SNX29: variants seen among roughly 807,000 people sequenced by gnomAD.
The protein encoded by SNX29 is sorting nexin-29.
Under a neutral mutation model 102.1 loss-of-function variants are expected in SNX29, and 78 were observed. The observed-to-expected ratio is 0.76, with a 90% CI of 0.64 to 0.92. The LOEUF (loss-of-function observed/expected upper bound fraction) is 0.92. SNX29 is among the 40% of genes least tolerant of loss of function. The probability of loss-of-function intolerance (pLI) is 0.00; values close to 1 mark genes in which losing one functional copy is unlikely to be tolerated. For synonymous variants in SNX29, 580 were observed against 414.5 expected (o/e 1.40, Z -4.85); for missense variants, 1,280 against 1,061.7 (o/e 1.21, Z -2.86).
chr16:12,240,190 C>A (rs2078059561), intron 14 of SNX29, among the ~76,000 whole-genome samples: 1 of 152,182 alleles, frequency 6.6e-6, no homozygotes, highest in African/African-American at 2.4e-5. Flanking sequence ...TTTATATCCA[C>A]ATTTTAGTGT....
At chr16:12,524,912 C>G in intron 20 of SNX29, 71 bp downstream of exon 20, 1 of 1,580,084 alleles carries the variant, frequency 6.3e-7, no homozygotes, top group Non-Finnish European at 8.6e-7. Context: ...TTTGGAAGGT[C>G]AGGGAGCACA....
chr16:12,485,747 C>G (rs180861315), intron 19 of SNX29, among the ~76,000 whole-genome samples: 1 of 152,248 alleles, frequency 6.6e-6, no homozygotes, highest in Non-Finnish European at 1.5e-5. Flanking sequence ...AGCTGGCAGT[C>G]TTGTAGGGAG....
At chr16:12,234,550 C>T (rs2077867167) in intron 14 of SNX29, among the ~76,000 whole-genome samples, 1 of 151,932 alleles carries the variant, frequency 6.6e-6, no homozygotes, top group East Asian at 1.9e-4. Flanking sequence ...TTGAGGCATA[C>T]CTGTTTTTAA....
intron 9 of SNX29, among the ~76,000 whole-genome samples, chr16:12,064,532 G>A (rs1234237045): frequency 6.6e-6 from 1 of 152,268 alleles, no homozygotes; most frequent in African/African-American, 2.4e-5. Flanking sequence ...TCCCTTCTCT[G>A]CAGTAACGAT....
chr16:12,491,794 C>G (rs2088562139), intron 19 of SNX29, among the ~76,000 whole-genome samples: 1 of 152,018 alleles, frequency 6.6e-6, no homozygotes, highest in African/African-American at 2.4e-5. Context: ...GTTTTCTGTC[C>G]TTGTGATAGT....
chr16:12,388,141 G>A (rs1015632818), intron 16 of SNX29, among the ~76,000 whole-genome samples: 3 of 152,132 alleles, frequency 2.0e-5, no homozygotes, highest in South Asian at 2.1e-4. Context: ...TCCTTCTTTC[G>A]GAGGAGATGA....
At chr16:12,476,719 C>G (rs1315855836) in intron 18 of SNX29, among the ~76,000 whole-genome samples, 3 of 151,886 alleles carry the variant, frequency 2.0e-5, no homozygotes, top group Non-Finnish European at 4.4e-5. Context: ...TGGTTTTAGT[C>G]TCTAGTCCTT....
At chr16:12,473,418 G>C (rs1234231883) in intron 18 of SNX29, among the ~76,000 whole-genome samples, 1 of 152,182 alleles carries the variant, frequency 6.6e-6, no homozygotes, top group Non-Finnish European at 1.5e-5. Context: ...CTGCAAAGAG[G>C]TGCCTGGGCT....
At chr16:12,318,077 C>T (rs2080810079) in intron 15 of SNX29, among the ~76,000 whole-genome samples, 3 of 152,254 alleles carry the variant, frequency 2.0e-5, no homozygotes, top group African/African-American at 4.8e-5. Context: ...TCTTCGCTGT[C>T]AGCGGTGCTG....
At chr16:12,447,381 A>T (rs2086111306) in intron 18 of SNX29, among the ~76,000 whole-genome samples, 1 of 152,102 alleles carries the variant, frequency 6.6e-6, no homozygotes, top group Non-Finnish European at 1.5e-5. Context: ...AATTCTAAAA[A>T]TCAAAACTAA....
chr16:12,446,697 T>C (rs1422721730), intron 18 of SNX29, among the ~76,000 whole-genome samples: 1 of 152,188 alleles, frequency 6.6e-6, no homozygotes, highest in Non-Finnish European at 1.5e-5. Context: ...TTGTTAGGTA[T>C]ACTCAACACT....
At chr16:12,282,107 AAT>A (rs71139587) in intron 15 of SNX29, among the ~76,000 whole-genome samples, 16 of 150,034 alleles carry the variant, frequency 1.1e-4, no homozygotes, top group East Asian at 7.8e-4. Context: ...AAAAAAAAAA[AAT>A]GCAGAGCTGG....
In SNX29 at chr16:12,369,189, G is replaced by A. The variant is rs554148986; in HGVS notation, c.1899+12910G>A. Among the ~76,000 whole-genome samples, 20 of 151,658 alleles carry A rather than the reference G, an allele frequency of 1.3e-4. No homozygotes were observed. In the South Asian group the frequency reaches 3.1e-3, roughly 24 times the overall value. ...TTTGCTCTGTCACTCAGACTGGAGT[G>A]CAGTGGCTCGATCTCGGCTCACTAC... On this transcript the variant is annotated intron_variant, in intron 16 of 20. Coordinates refer to ENST00000566228, the MANE Select transcript of SNX29 (RefSeq NM_032167.5).
intron 1 of SNX29, among the ~76,000 whole-genome samples, chr16:11,982,331 A>C (rs2055435871): frequency 6.6e-6 from 1 of 152,120 alleles, no homozygotes; most frequent in Non-Finnish European, 1.5e-5. Flanking sequence ...GTTACTGGGA[A>C]AGTAGAACTC....
chr16:12,537,228 G>C (rs1425778181), intron 20 of SNX29, among the ~76,000 whole-genome samples: 2 of 152,156 alleles, frequency 1.3e-5, no homozygotes, highest in African/African-American at 2.4e-5. Flanking sequence ...AGACTGCAAG[G>C]TGCCAGGCAC....
chr16:12,469,485 A>G (rs2087232070), intron 18 of SNX29, among the ~76,000 whole-genome samples: 1 of 152,230 alleles, frequency 6.6e-6, no homozygotes, highest in Non-Finnish European at 1.5e-5. Context: ...TTTTTGAAGA[A>G]TCGTTGTTAT....
At chr16:12,474,016 G>A (rs540031675) in intron 18 of SNX29, among the ~76,000 whole-genome samples, 52 of 152,214 alleles carry the variant, frequency 3.4e-4, no homozygotes, top group African/African-American at 9.6e-4. Context: ...CAGACTCGCC[G>A]TAAATTCTTT....
At chr16:12,563,039 C>A (rs1012056124) in intron 20 of SNX29, among the ~76,000 whole-genome samples, 12 of 152,104 alleles carry the variant, frequency 7.9e-5, no homozygotes, top group Non-Finnish European at 1.5e-4. Flanking sequence ...ATTGCAAGGG[C>A]CAAGGTCACC....
At chr16:12,235,560 C>G (rs77354018) in intron 14 of SNX29, among the ~76,000 whole-genome samples, 5,497 of 151,890 alleles carry the variant, frequency 0.036, 351 homozygotes, top group African/African-American at 0.13. Flanking sequence ...AAGTTACTTT[C>G]CTATATTGAT....
Sources: gnomAD v4.1 joint callset for allele counts (sites outside exome capture counted in the v4.1 genomes callset) on GRCh38, gnomAD v4.1.1 for gene constraint, MANE v1.5 for transcripts, NCBI Gene and HGNC (gene_info 2026-07-23, HGNC 2026-07-21) for gene names.